The following PPP3CA variants were observed in gnomAD, a reference collection of about 807,000 sequenced individuals.
PPP3CA encodes the protein CAM-PRP catalytic subunit.
Under a neutral mutation model 66.5 loss-of-function variants are expected in PPP3CA, and 14 were observed. The ratio of observed to expected loss-of-function variants is 0.21; its 90% CI spans 0.14 to 0.33. The LOEUF is 0.33. PPP3CA is among the 10% of genes least tolerant of loss of function. The pLI, the probability that PPP3CA is intolerant of heterozygous loss-of-function variation, is 1.00. For synonymous variants in PPP3CA, 232 were observed against 226.2 expected (o/e 1.03, Z -0.23); for missense variants, 317 against 639.5 (o/e 0.50, Z 5.44).
At chr4:101,090,511 G>T (rs895616036) in intron 6 of PPP3CA, among the ~76,000 whole-genome samples, 2 of 151,348 alleles carry the variant, frequency 1.3e-5, no homozygotes, top group African/African-American at 4.9e-5. Flanking sequence ...GCATGGTGGC[G>T]CATGCCTGTA....
At chr4:101,062,475 A>G (rs1728507130) in intron 9 of PPP3CA, among the ~76,000 whole-genome samples, 1 of 151,978 alleles carries the variant, frequency 6.6e-6, no homozygotes, top group Non-Finnish European at 1.5e-5. Context: ...TTTTTCTTAC[A>G]ATGCCCATTC....
chr4:101,237,624 G>A (rs971173460), intron 1 of PPP3CA, among the ~76,000 whole-genome samples: 3 of 151,978 alleles, frequency 2.0e-5, no homozygotes, highest in African/African-American at 7.2e-5. Flanking sequence ...CCACAAGCTT[G>A]CTTTAATTCG....
chr4:101,133,148 G>A (rs999207617), intron 2 of PPP3CA, among the ~76,000 whole-genome samples: 1 of 152,148 alleles, frequency 6.6e-6, no homozygotes, highest in African/African-American at 2.4e-5. Context: ...ATATCATACT[G>A]AATGGGAAAA....
At chr4:101,227,169 C>T (rs567329976) in intron 1 of PPP3CA, among the ~76,000 whole-genome samples, 17 of 151,668 alleles carry the variant, frequency 1.1e-4, no homozygotes, top group African/African-American at 4.1e-4. Flanking sequence ...TTAATAAAGA[C>T]AACACATGTA....
At position 101,029,151 on chromosome 4, in the gene PPP3CA, G is replaced by T. The variant is rs777495493; in HGVS notation, c.1369+15C>A. The T allele has an allele frequency of 1.4e-5, 23 of 1,591,104 alleles. No homozygotes were observed. The African/African-American group carries it at 2.0e-4, about 14-fold the overall frequency. On this transcript the variant is annotated intron_variant, in intron 13 of 13. Transcript: ENST00000394854. ...TCTGTTGCAGGTACAACAGAAAGGG[G>T]ACTGGCCAATTTACCTTCATCAGCC...
chr4:101,213,418 G>A (rs1438472328), intron 1 of PPP3CA, among the ~76,000 whole-genome samples: 3 of 152,046 alleles, frequency 2.0e-5, no homozygotes, highest in African/African-American at 7.2e-5. Context: ...ATGGTATTAG[G>A]TATCTTCAAA....
chr4:101,224,904 C>T (rs547270397), intron 1 of PPP3CA, among the ~76,000 whole-genome samples: 13 of 151,826 alleles, frequency 8.6e-5, no homozygotes, highest in African/African-American at 2.9e-4. Flanking sequence ...CTTCCTCACT[C>T]CCCACACACA....
chr4:101,211,179 C>T (rs1725286993), intron 1 of PPP3CA, among the ~76,000 whole-genome samples: 1 of 151,764 alleles, frequency 6.6e-6, no homozygotes, highest in African/African-American at 2.4e-5. Context: ...CCAGGGCTCA[C>T]ATCAGGCCCC....
chr4:101,196,258 C>T (rs958764613), intron 1 of PPP3CA, 142 bp from the exon 2 acceptor site: 6 of 765,610 alleles, frequency 7.8e-6, no homozygotes, highest in Admixed American at 3.0e-5. Flanking sequence ...TGATCAAGGG[C>T]TATCTATCAA....
intron 2 of PPP3CA, among the ~76,000 whole-genome samples, chr4:101,190,132 A>C (rs1333633071): frequency 6.6e-6 from 1 of 152,090 alleles, no homozygotes; most frequent in Non-Finnish European, 1.5e-5. Context: ...TACCTAAGAA[A>C]ATATTCCTTC....
In PPP3CA at chr4:101,346,967, G is replaced by A; in HGVS notation, c.-171C>T. On this transcript the variant is annotated 5_prime_UTR_variant, in exon 1 of 14. Transcript: ENST00000394854. The stretch of plus-strand genomic sequence containing the variant: ...TGGCTTTAAAGTTGCTGCCTTTTCC[G>A]CGCGTCCCTCCTCCGCCGCCGCCGC... 1.4e-6 allele frequency: 1 copy of A among 718,252 alleles called. No individual in the cohort carries two copies. Among genetic ancestry groups the A allele is most frequent in the Non-Finnish European group, 2.3e-6 (1 of 439,634 alleles). The allele number at this position is 718,252 out of a possible 1,614,324, so 44.5% of individuals were successfully genotyped here.
At chr4:101,112,547 T>C (rs1449058234) in intron 2 of PPP3CA, among the ~76,000 whole-genome samples, 4 of 152,104 alleles carry the variant, frequency 2.6e-5, no homozygotes, top group Non-Finnish European at 5.9e-5. Context: ...TAAAGGAAAA[T>C]GACGTGCATA....
At chr4:101,333,374 C>T (rs2110335294) in intron 1 of PPP3CA, among the ~76,000 whole-genome samples, 1 of 148,740 alleles carries the variant, frequency 6.7e-6, no homozygotes, top group South Asian at 2.2e-4. Flanking sequence ...AGTCCTCCCA[C>T]CTCAGCCTCC....
At chr4:101,136,679 G>C (rs962761998) in intron 2 of PPP3CA, among the ~76,000 whole-genome samples, 3 of 151,736 alleles carry the variant, frequency 2.0e-5, no homozygotes, top group African/African-American at 7.3e-5. Context: ...AATATAACAG[G>C]CTTCATCAGC....
In PPP3CA at chr4:101,315,545, G is replaced by C. The variant is rs956101851; in HGVS notation, c.58+31194C>G. ...ATCAGAATCTCTCATTCAAGACGCA[G>C]AAATATGCCCAAAAGAATAAAGCCA... On this transcript the variant is annotated intron_variant, in intron 1 of 13. Coordinates refer to ENST00000394854, the MANE Select transcript of PPP3CA (RefSeq NM_000944.5). Among the ~76,000 whole-genome samples the C allele has an allele frequency of 3.7e-4, 56 of 152,114 alleles. 1 individual carries two copies. Among genetic ancestry groups the C allele is most frequent in the African/African-American group, 1.3e-3 (54 of 41,426 alleles).
chr4:101,084,970 G>C (rs1190029613), intron 6 of PPP3CA, among the ~76,000 whole-genome samples: 2 of 152,098 alleles, frequency 1.3e-5, no homozygotes, highest in African/African-American at 4.8e-5. Context: ...TGTCTTCAAA[G>C]GCTTCTGTTC....
chr4:101,234,622 GTTAA>G (rs1481423510), intron 1 of PPP3CA, among the ~76,000 whole-genome samples: 1 of 150,652 alleles, frequency 6.6e-6, no homozygotes, highest in African/African-American at 2.4e-5. Flanking sequence ...AATGCTTTAG[GTTAA>G]TTAAAGTATC....
At chr4:101,285,669 C>T (rs759059475) in intron 1 of PPP3CA, among the ~76,000 whole-genome samples, 3 of 134,736 alleles carry the variant, frequency 2.2e-5, no homozygotes, top group Non-Finnish European at 3.1e-5. Context: ...TAATACATAT[C>T]GATGTTGGCT....
At chr4:101,145,575 T>G (rs1317754540) in intron 2 of PPP3CA, among the ~76,000 whole-genome samples, 1 of 152,056 alleles carries the variant, frequency 6.6e-6, no homozygotes, top group African/African-American at 2.4e-5. Context: ...AGCTAAAAAT[T>G]AAAACATTTA....
Sources: gnomAD v4.1 joint callset for allele counts (sites outside exome capture counted in the v4.1 genomes callset) on GRCh38, gnomAD v4.1.1 for gene constraint, MANE v1.5 for transcripts, NCBI Gene and HGNC (gene_info 2026-07-23, HGNC 2026-07-21) for gene names.